RAB35: variants seen among roughly 807,000 people sequenced by gnomAD.
The protein encoded by RAB35 is RAB35, member RAS oncogene family.
Under a neutral mutation model 28.9 loss-of-function variants are expected in RAB35, and 4 were observed. The ratio of observed to expected loss-of-function variants is 0.14; its 90% CI spans 0.07 to 0.32. The LOEUF (loss-of-function observed/expected upper bound fraction) is 0.32, where lower values mean the gene tolerates loss of function less well. Among genes scored for constraint, RAB35 ranks in the 10% least tolerant of loss-of-function variants. RAB35 has a pLI of 1.00. For missense variants in RAB35, 128 were observed against 274.0 expected (o/e 0.47, Z 3.76); for synonymous variants, 99 against 105.1 (o/e 0.94, Z 0.35).
At chr12:120,108,809 CG>C in intron 1 of RAB35, 1 of 445,820 alleles carries the variant, frequency 2.2e-6, no homozygotes, top group Non-Finnish European at 4.3e-6. Context: ...CCACACGAAA[CG>C]GCCCCCAAGT....
chr12:120,102,374 C>G (rs1318074347), intron 3 of RAB35, among the ~76,000 whole-genome samples: 1 of 152,220 alleles, frequency 6.6e-6, no homozygotes, highest in Non-Finnish European at 1.5e-5. Context: ...AGCACTGATG[C>G]CAGCCCTGCC....
chr12:120,104,090 A>G lies in RAB35; in HGVS notation c.104-141T>C, dbSNP rs1875770232. On this transcript the variant is annotated intron_variant, in intron 2 of 5. Coordinates refer to ENST00000229340, the MANE Select transcript of RAB35 (RefSeq NM_006861.7). ...CTGGTACATTCTAGGTCCCAGGGAC[A>G]CAGCCCTGAACATCCTTGTTCACAA... is the stretch of plus-strand genomic sequence containing the variant. 3 of 1,119,144 alleles carry G rather than the reference A, an allele frequency of 2.7e-6. No individual in the cohort carries two copies. In the African/African-American group the frequency reaches 4.7e-5, roughly 18 times the overall value. 69.3% of individuals were successfully genotyped at this position (1,119,144 alleles called of 1,614,324 possible).
chr12:120,112,224 T>C (rs999382582), intron 1 of RAB35, among the ~76,000 whole-genome samples: 5 of 151,884 alleles, frequency 3.3e-5, no homozygotes, highest in Non-Finnish European at 5.9e-5. Flanking sequence ...GTGATCCGCC[T>C]GCCTCGGCCT....
chr12:120,096,934 G>A lies in RAB35; in HGVS notation c.*311C>T, dbSNP rs938396766. The A allele has an allele frequency of 2.2e-6, 3 of 1,363,092 alleles. No individual in the cohort carries two copies. Among genetic ancestry groups the A allele is most frequent in the African/African-American group, 1.5e-5 (1 of 68,718 alleles). 84.4% of individuals were successfully genotyped at this position (1,363,092 alleles called of 1,614,324 possible). A position where few individuals can be genotyped will look rare whatever the true frequency, so the allele number is the denominator to read the frequency against. ...AAGCCAGAGCAGGACGTGGTGTGCGGCCGGGTAGAGCAATATACACTATGT... is the reference window on the plus strand; with the variant it reads ...AAGCCAGAGCAGGACGTGGTGTGCGACCGGGTAGAGCAATATACACTATGT... On this transcript the variant is annotated 3_prime_UTR_variant, in exon 6 of 6. Coordinates refer to ENST00000229340, the MANE Select transcript of RAB35 (RefSeq NM_006861.7).
Position 120,116,718 on chromosome 12 carries a change from G to A in RAB35, c.-68C>T. On this transcript the variant is annotated 5_prime_UTR_variant, in exon 1 of 6. Transcript: ENST00000229340. The stretch of plus-strand genomic sequence containing the variant: ...GGCCTCGCGATCCGCAGCTCCCTTC[G>A]GGCTGCTCCGGCAGCGGCGGATCCA... 8.3e-7 allele frequency: 1 copy of A among 1,212,100 alleles called. No individual in the cohort carries two copies. Among genetic ancestry groups the A allele is most frequent in the Non-Finnish European group, 1.0e-6 (1 of 974,870 alleles). 75.1% of individuals were successfully genotyped at this position (1,212,100 alleles called of 1,614,324 possible). A position where few individuals can be genotyped will look rare whatever the true frequency, so the allele number is the denominator to read the frequency against.
Position 120,095,514 on chromosome 12 carries a change from C to G in RAB35, c.*1731G>C, listed in dbSNP as rs1875341432. The G allele has an allele frequency of 6.6e-6, 1 of 152,616 alleles. No individual in the cohort carries two copies. The highest frequency in any genetic ancestry group is 1.5e-5 in the Non-Finnish European group (1 of 68,168). The allele number at this position is 152,616 out of a possible 1,614,324, so 9.5% of individuals were successfully genotyped here. The stretch of plus-strand genomic sequence containing the variant: ...AGGAGCCCCAGGCACCGTGCATCCT[C>G]AGGGCCCGTGGCCAACCAGGACAGT... On this transcript the variant is annotated 3_prime_UTR_variant, in exon 6 of 6. Transcript: ENST00000229340.
intron 1 of RAB35, among the ~76,000 whole-genome samples, chr12:120,115,901 A>T (rs1305004624): frequency 6.6e-6 from 1 of 152,212 alleles, no homozygotes; most frequent in Non-Finnish European, 1.5e-5. Flanking sequence ...CATCAACCCC[A>T]TAAGGCAGAT....
At chr12:120,110,205 T>C (rs539938756) in intron 1 of RAB35, among the ~76,000 whole-genome samples, 100 of 150,944 alleles carry the variant, frequency 6.6e-4, no homozygotes, top group African/African-American at 2.3e-3. Flanking sequence ...AGATTTTTAA[T>C]GAAAATGCCA....
chr12:120,108,607 C>T (rs1197551141), intron 1 of RAB35, 140 bp from the exon 2 acceptor site: 3 of 766,218 alleles, frequency 3.9e-6, no homozygotes, highest in South Asian at 1.5e-5. Context: ...AATGCTCTTT[C>T]CACCTCCCTG....
chr12:120,106,401 T>C lies in RAB35; in HGVS notation c.103+2016A>G, dbSNP rs78272704. Among the ~76,000 whole-genome samples, 5 of 152,288 alleles carry C rather than the reference T, an allele frequency of 3.3e-5. No individual in the cohort carries two copies. The East Asian group carries it at 7.7e-4, about 23-fold the overall frequency. On this transcript the variant is annotated intron_variant, in intron 2 of 5. Coordinates refer to ENST00000229340, the MANE Select transcript of RAB35 (RefSeq NM_006861.7). Reference sequence around the variant, plus strand: ...TAACAACCCCATGGGGAAAGGACCATTATGATTTCTACTTTACACATGAAC... The same window carrying C: ...TAACAACCCCATGGGGAAAGGACCACTATGATTTCTACTTTACACATGAAC...
At chr12:120,104,396 C>G (rs973969850) in intron 2 of RAB35, among the ~76,000 whole-genome samples, 1 of 152,160 alleles carries the variant, frequency 6.6e-6, no homozygotes, top group Non-Finnish European at 1.5e-5. Context: ...GAGCTGCAGT[C>G]TGAAAGCCAC....
intron 3 of RAB35, among the ~76,000 whole-genome samples, chr12:120,101,739 G>T (rs924325800): frequency 6.6e-6 from 1 of 152,292 alleles, no homozygotes; most frequent in African/African-American, 2.4e-5. Context: ...CCAGACACGT[G>T]GGACGGCAGC....
At chr12:120,113,813 G>C (rs145280465) in intron 1 of RAB35, among the ~76,000 whole-genome samples, 1 of 134,318 alleles carries the variant, frequency 7.4e-6, no homozygotes, top group East Asian at 2.3e-4. Flanking sequence ...GCGAGACTCC[G>C]TCTCAAAAAA....
At chr12:120,099,907 G>A (rs577903019) in intron 3 of RAB35, among the ~76,000 whole-genome samples, 4 of 152,284 alleles carry the variant, frequency 2.6e-5, no homozygotes, top group East Asian at 1.9e-4. Flanking sequence ...CCGCTTCCCC[G>A]AGAGCTGTCG....
chr12:120,105,895 C>A (rs1298272194), intron 2 of RAB35, among the ~76,000 whole-genome samples: 2 of 128,372 alleles, frequency 1.6e-5, no homozygotes, highest in Non-Finnish European at 3.1e-5. Context: ...CCAGCCTGGG[C>A]GACAGAGCGA....
Position 120,097,293 on chromosome 12 carries a change from A to T in RAB35, c.558T>A (p.Asp186Glu). Reference protein sequence around the residue: ...LAKQQQQQQNDVVKLTKNSKR... With the variant: ...LAKQQQQQQNEVVKLTKNSKR... ...TACTGTTCTTCGTGAGCTTCACCACATCGTTCTGTTGTTGCTGCTGCTGTT... is the reference window on the plus strand; with the variant it reads ...TACTGTTCTTCGTGAGCTTCACCACTTCGTTCTGTTGTTGCTGCTGCTGTT... The change falls in exon 6 of 6, where the codon GAT becomes GAA. Residue 186 changes from aspartate to glutamate, a missense_variant. By Grantham distance (45) the Asp-to-Glu change is conservative. Transcript: ENST00000229340. The T allele has an allele frequency of 1.2e-6, 2 of 1,613,956 alleles. No individual in the cohort carries two copies. The highest frequency in any genetic ancestry group is 1.7e-6 in the Non-Finnish European group (2 of 1,180,038).
Position 120,096,989 on chromosome 12 carries a change from G to T in RAB35, c.*256C>A. Reference sequence around the variant, plus strand: ...ACTCTGCGAATCAGTCCGCTCGGCGGGCAGCGTCCTCGCCAGGTCCAGGCG... The same window carrying T: ...ACTCTGCGAATCAGTCCGCTCGGCGTGCAGCGTCCTCGCCAGGTCCAGGCG... On this transcript the variant is annotated 3_prime_UTR_variant, in exon 6 of 6. Transcript: ENST00000229340. The T allele has an allele frequency of 6.7e-7, 1 of 1,487,044 alleles. No individual in the cohort carries two copies. Among genetic ancestry groups the T allele is most frequent in the South Asian group, 1.2e-5 (1 of 82,846 alleles). The allele number at this position is 1,487,044 out of a possible 1,614,324, so 92.1% of individuals were successfully genotyped here. A position where few individuals can be genotyped will look rare whatever the true frequency, so the allele number is the denominator to read the frequency against.
intron 1 of RAB35, among the ~76,000 whole-genome samples, 152 bp downstream of exon 1, chr12:120,116,447 C>A (rs1183526265): frequency 6.6e-6 from 1 of 150,776 alleles, no homozygotes; most frequent in Admixed American, 6.6e-5. Context: ...CGGTCCGGAG[C>A]CCCTCGGCGC....
Position 120,098,589 on chromosome 12 carries a change from C to A in RAB35, c.477+222G>T, listed in dbSNP as rs142875055. Among the ~76,000 whole-genome samples the A allele has an allele frequency of 2.2e-3, 338 of 152,360 alleles. 1 individual carries two copies. Among genetic ancestry groups the A allele is most frequent in the Non-Finnish European group, 3.5e-3 (236 of 68,040 alleles). On this transcript the variant is annotated intron_variant, in intron 5 of 5. Coordinates refer to ENST00000229340, the MANE Select transcript of RAB35 (RefSeq NM_006861.7). ...CCTTGAGTTACTTCAACACTTGGAG[C>A]CTCAGTTTCCCTATTTGAAATGTGG...
Sources: allele counts gnomAD v4.1 joint callset (sites outside exome capture counted in the v4.1 genomes callset), GRCh38; gene constraint gnomAD v4.1.1; transcripts MANE v1.5; gene names NCBI Gene and HGNC (gene_info 2026-07-23, HGNC 2026-07-21).